PCDHGA1: variants seen among roughly 807,000 people sequenced by gnomAD.
The protein encoded by PCDHGA1 is protocadherin gamma-A1.
Under a neutral mutation model 58.0 loss-of-function variants are expected in PCDHGA1, and 32 were observed. The ratio of observed to expected loss-of-function variants is 0.55; its 90% CI spans 0.42 to 0.74. PCDHGA1 has a LOEUF of 0.74. Among genes scored for constraint, PCDHGA1 ranks in the 30% least tolerant of loss-of-function variants. The pLI is 0.00. For synonymous variants in PCDHGA1, 498 were observed against 501.1 expected, an observed-to-expected ratio of 0.99 and a Z score of 0.08; for missense variants, 1,205 against 1,182.3, an observed-to-expected ratio of 1.02 and a Z score of -0.28.
intron 1 of PCDHGA1, chr5:141,364,724 C>A (rs772314048): frequency 6.2e-7 from 1 of 1,613,892 alleles, no homozygotes. Context: ...TAACTTCCCG[C>A]GTTTCCGGGA....
At chr5:141,425,018 T>C (rs2096853023) in intron 1 of PCDHGA1, among the ~76,000 whole-genome samples, 1 of 152,224 alleles carries the variant, frequency 6.6e-6, no homozygotes, top group Non-Finnish European at 1.5e-5. Context: ...TTTAGGAATT[T>C]ACCTTATGTC....
rs1391608601 is a variant in PCDHGA1 at position 141,511,893 on chromosome 5, A to G, written c.*720A>G. The G allele has an allele frequency of 6.4e-6, 1 of 155,062 alleles. No homozygotes were observed. Among genetic ancestry groups the G allele is most frequent in the East Asian group, 1.9e-4 (1 of 5,240 alleles). 9.6% of individuals were successfully genotyped at this position (155,062 alleles called of 1,614,324 possible). A position where few individuals can be genotyped will look rare whatever the true frequency, so the allele number is the denominator to read the frequency against. On this transcript the variant is annotated 3_prime_UTR_variant, in exon 4 of 4. Transcript: ENST00000517417. ...TCCACTGCATGCCTTGACTTCCCCC[A>G]CCTCCTCCTCAAACAAGAGACTCCA...
intron 1 of PCDHGA1, chr5:141,423,110 G>C: frequency 6.2e-7 from 1 of 1,613,842 alleles, no homozygotes; most frequent in Non-Finnish European, 8.5e-7. Context: ...GGCGAGGTGC[G>C]TACAGCGCGG....
rs200843744 is a variant in PCDHGA1, at chr5:141,491,417, G to C, written c.2422-3390G>C. 18 of 1,613,988 alleles carry C rather than the reference G, an allele frequency of 1.1e-5. No individual in the cohort carries two copies. Among genetic ancestry groups the C allele is most frequent in the Admixed American group, 5.0e-5 (3 of 60,006 alleles). ...CAGGGAAACGCAGACGGGGACGGGGGTGGAGGGCAGTGCTGCAGGCGCCAG... is the reference window on the plus strand; with the variant it reads ...CAGGGAAACGCAGACGGGGACGGGGCTGGAGGGCAGTGCTGCAGGCGCCAG... On this transcript the variant is annotated intron_variant, in intron 1 of 3. Transcript: ENST00000517417. This position sits in a 1 kb window ranked among gnomAD's most constrained non-coding sequence, Gnocchi z 6.9.
intron 1 of PCDHGA1, chr5:141,396,003 T>G (rs749303972): frequency 2.0e-5 from 3 of 152,232 alleles, no homozygotes; most frequent in Admixed American, 6.5e-5. Flanking sequence ...TTTAAACTGT[T>G]GAAAGTGACT....
chr5:141,466,928 T>TTAG (rs1231908662), intron 1 of PCDHGA1, among the ~76,000 whole-genome samples: 1 of 152,220 alleles, frequency 6.6e-6, no homozygotes, highest in Non-Finnish European at 1.5e-5. Context: ...ATTAGGAATA[T>TTAG]TAGTCCTTTG....
At chr5:141,350,166 A>G in intron 1 of PCDHGA1, 11 of 1,181,016 alleles carry the variant, frequency 9.3e-6, no homozygotes, top group East Asian at 2.7e-5. Context: ...CGCCTAACTA[A>G]TAAGTCCTAA....
intron 1 of PCDHGA1, chr5:141,388,788 T>C (rs1253708084): frequency 1.2e-6 from 2 of 1,613,942 alleles, no homozygotes; most frequent in Non-Finnish European, 1.7e-6. Flanking sequence ...AATTACTGTT[T>C]TAAATACATT....
intron 1 of PCDHGA1, chr5:141,384,387 C>A (rs774707320): frequency 6.2e-7 from 1 of 1,613,950 alleles, no homozygotes; most frequent in Admixed American, 1.7e-5. Context: ...AAGACACCAT[C>A]CAGGGGGCTC....
At chr5:141,355,870 G>T (rs376992240) in intron 1 of PCDHGA1, 72 of 1,612,760 alleles carry the variant, frequency 4.5e-5, no homozygotes, top group Non-Finnish European at 6.1e-5. Flanking sequence ...GGTTCGCTCT[G>T]GCACTGCCAG....
chr5:141,441,927 G>A (rs2098285195), intron 1 of PCDHGA1: 2 of 354,242 alleles, frequency 5.6e-6, no homozygotes, highest in Non-Finnish European at 1.1e-5. Flanking sequence ...ACAATGCGTG[G>A]CTGTCCTACC....
At chr5:141,340,516 T>C (rs1226835198) in intron 1 of PCDHGA1, 4 of 1,614,126 alleles carry the variant, frequency 2.5e-6, no homozygotes, top group South Asian at 1.1e-5. Flanking sequence ...GAGTACTCTA[T>C]GCACTGCGCT....
chr5:141,360,605 C>T (rs2149815943), intron 1 of PCDHGA1: 1 of 1,614,000 alleles, frequency 6.2e-7, no homozygotes, highest in Admixed American at 1.7e-5. Flanking sequence ...CTTGACCCAG[C>T]CCTGGATTCA....
Position 141,493,701 on chromosome 5 carries a change from C to G in PCDHGA1, c.2422-1106C>G, listed in dbSNP as rs2099749680. 6.6e-6 allele frequency among the ~76,000 whole-genome samples: 1 copy of G among 152,172 alleles called. No homozygotes were observed. Among genetic ancestry groups the G allele is most frequent in the Admixed American group, 6.5e-5 (1 of 15,286 alleles). On this transcript the variant is annotated intron_variant, in intron 1 of 3. Coordinates refer to ENST00000517417, the MANE Select transcript of PCDHGA1 (RefSeq NM_018912.3). This position sits in a 1 kb window ranked among gnomAD's most constrained non-coding sequence, Gnocchi z 4.3. Reference sequence around the variant, plus strand: ...ATGGTGCTGGTGACTCCCGATACACCTGGAATGCTAGGTTTCTGGGTTCTG... The same window carrying G: ...ATGGTGCTGGTGACTCCCGATACACGTGGAATGCTAGGTTTCTGGGTTCTG...
chr5:141,390,183 T>C (rs532412915), intron 1 of PCDHGA1: 2 of 1,614,034 alleles, frequency 1.2e-6, no homozygotes, highest in Admixed American at 1.7e-5. Context: ...TTTCCTAAAA[T>C]GTAGTGAGCA....
chr5:141,367,025 G>T, intron 1 of PCDHGA1: 2 of 394,068 alleles, frequency 5.1e-6, no homozygotes, highest in Non-Finnish European at 9.0e-6. Context: ...TTGTTATATT[G>T]GAACTGCAGT....
intron 1 of PCDHGA1, among the ~76,000 whole-genome samples, chr5:141,474,412 C>A (rs1282336092): frequency 6.6e-6 from 1 of 152,220 alleles, no homozygotes; most frequent in Non-Finnish European, 1.5e-5. Flanking sequence ...CCGGTGATGC[C>A]TAGACCATTG....
chr5:141,400,361 C>G (rs776965891), intron 1 of PCDHGA1: 3 of 1,613,952 alleles, frequency 1.9e-6, no homozygotes, highest in Non-Finnish European at 2.5e-6. Flanking sequence ...GGGACTTTGC[C>G]TTATTCCTAC....
At chr5:141,437,460 T>C (rs2097886220) in intron 1 of PCDHGA1, among the ~76,000 whole-genome samples, 1 of 152,230 alleles carries the variant, frequency 6.6e-6, no homozygotes, top group South Asian at 2.1e-4. Flanking sequence ...GAGACTATAC[T>C]ATACTTTTAT....
Sources: gnomAD v4.1 joint callset for allele counts (sites outside exome capture counted in the v4.1 genomes callset) on GRCh38, gnomAD v4.1.1 for gene constraint, Gnocchi (gnomAD v3.1) non-coding constraint, MANE v1.5 for transcripts, NCBI Gene and HGNC (gene_info 2026-07-23, HGNC 2026-07-21) for gene names.